Variants in RASA2 observed in about 807,000 individuals in gnomAD.
The protein encoded by RASA2 is RAS p21 protein activator 2.
Under a neutral mutation model 118.2 loss-of-function variants are expected in RASA2, and 155 were observed. That is an observed-to-expected ratio of 1.31 (90% CI 1.15 to 1.50). The LOEUF (loss-of-function observed/expected upper bound fraction) is 1.50. Ranked by LOEUF, RASA2 falls within the 40% of genes most tolerant of loss-of-function variation. RASA2 has a pLI of 0.00. For missense variants in RASA2, 1,016 were observed against 1,009.6 expected, an observed-to-expected ratio of 1.01 and a Z score of -0.09; for synonymous variants, 353 against 349.1, an observed-to-expected ratio of 1.01 and a Z score of -0.12.
At chr3:141,542,382 C>G (rs1002135455) in intron 5 of RASA2, among the ~76,000 whole-genome samples, 2 of 152,094 alleles carry the variant, frequency 1.3e-5, no homozygotes, top group African/African-American at 4.8e-5. Context: ...TTATTTGTTT[C>G]TTGCCATAAT....
At chr3:141,513,321 A>G (rs111559152) in intron 2 of RASA2, among the ~76,000 whole-genome samples, 3,369 of 151,930 alleles carry the variant, frequency 0.022, 132 homozygotes, top group African/African-American at 0.076. Context: ...TAGAAAAGGT[A>G]TTGTATAAAA....
intron 1 of RASA2, among the ~76,000 whole-genome samples, chr3:141,501,561 C>T (rs59719153): frequency 0.012 from 1,891 of 152,238 alleles, 43 homozygotes; most frequent in African/African-American, 0.043. Context: ...TAGTTAAATG[C>T]AAAGTTCATG....
intron 1 of RASA2, among the ~76,000 whole-genome samples, chr3:141,511,646 G>A (rs2081952026): frequency 6.6e-6 from 1 of 152,150 alleles, no homozygotes; most frequent in African/African-American, 2.4e-5. Context: ...GTGGCATGGT[G>A]GGGTCAGAAG....
chr3:141,491,615 G>T (rs1395691832), intron 1 of RASA2, among the ~76,000 whole-genome samples: 1 of 152,114 alleles, frequency 6.6e-6, no homozygotes, highest in Non-Finnish European at 1.5e-5. Context: ...ACTAGAAGGT[G>T]TTAGTATTAA....
intron 22 of RASA2, 110 bp downstream of exon 22, chr3:141,609,633 T>G: frequency 1.1e-6 from 1 of 927,878 alleles, no homozygotes; most frequent in African/African-American, 1.7e-5. Flanking sequence ...TACCAAAATG[T>G]TATTTATTGA....
At position 141,562,549 on chromosome 3, in the gene RASA2, G is replaced by A. The variant is rs544603624; in HGVS notation, c.863+2554G>A. Among the ~76,000 whole-genome samples, 3 of 74,308 alleles carry A rather than the reference G, an allele frequency of 4.0e-5. No individual in the cohort carries two copies. The East Asian group carries it at 1.4e-3, about 34-fold the overall frequency. The allele number at this position is 74,308 out of a possible 152,430, so 48.7% of individuals were successfully genotyped here. A position where few individuals can be genotyped will look rare whatever the true frequency, so the allele number is the denominator to read the frequency against. On this transcript the variant is annotated intron_variant, in intron 9 of 23. Transcript: ENST00000286364. ...GCGCAGGAGAAATTGCGTGCACCTG[G>A]GAGCGGGAGCTTACAGTAAGCTGAG...
intron 15 of RASA2, 84 bp downstream of exon 15, chr3:141,577,190 C>T: frequency 9.6e-7 from 1 of 1,045,286 alleles, no homozygotes; most frequent in East Asian, 2.9e-5. Context: ...ACCAATTTCA[C>T]TAGGCTGTAT....
At chr3:141,518,482 CAAAAAAAAAAAAAA>C (rs777543417) in intron 3 of RASA2, among the ~76,000 whole-genome samples, 31 of 27,048 alleles carry the variant, frequency 1.1e-3, no homozygotes, top group South Asian at 3.1e-3. Context: ...GACACCATCT[CAAAAAAAAAAAAAA>C]AAAAAAAAAA....
Position 141,608,587 on chromosome 3 carries a change from A to T in RASA2, c.2115A>T (p.Arg705=), listed in dbSNP as rs763111274. ...EWIDVLCRVS[R]CNQNRLSFYH... ...TAGACGTACTCTGCAGGGTGAGCCGATGCAATCAAAACAGGCTCAGTTTTT... is the reference window on the plus strand; with the variant it reads ...TAGACGTACTCTGCAGGGTGAGCCGTTGCAATCAAAACAGGCTCAGTTTTT... The change falls in exon 21 of 24, where the codon CGA becomes CGT. Residue 705 remains arginine (R), a synonymous_variant. Transcript: ENST00000286364. 1 of 1,613,854 alleles carries T rather than the reference A, an allele frequency of 6.2e-7. No individual in the cohort carries two copies. Among genetic ancestry groups the T allele is most frequent in the East Asian group, 2.2e-5 (1 of 44,894 alleles).
At chr3:141,495,995 T>C (rs184796335) in intron 1 of RASA2, among the ~76,000 whole-genome samples, 1 of 152,356 alleles carries the variant, frequency 6.6e-6, no homozygotes, top group East Asian at 1.9e-4. Flanking sequence ...AACATTTTAC[T>C]TTTCTGCATG....
At chr3:141,536,573 A>G (rs1299600217) in intron 4 of RASA2, among the ~76,000 whole-genome samples, 3 of 152,192 alleles carry the variant, frequency 2.0e-5, no homozygotes, top group East Asian at 3.8e-4. Flanking sequence ...AATACCTTCC[A>G]AGAATTTGGT....
At chr3:141,535,991 A>C (rs2082320506) in intron 4 of RASA2, among the ~76,000 whole-genome samples, 1 of 152,216 alleles carries the variant, frequency 6.6e-6, no homozygotes, top group African/African-American at 2.4e-5. Context: ...GGTACCAAGA[A>C]TATATGTAAT....
intron 5 of RASA2, among the ~76,000 whole-genome samples, chr3:141,548,631 A>G (rs534492813): frequency 6.6e-6 from 1 of 152,196 alleles, no homozygotes; most frequent in South Asian, 2.1e-4. Context: ...GGTTTCACAT[A>G]TGGCTTTCTT....
intron 3 of RASA2, among the ~76,000 whole-genome samples, chr3:141,518,265 T>A (rs952188024): frequency 2.6e-5 from 4 of 151,348 alleles, no homozygotes; most frequent in Non-Finnish European, 4.4e-5. Flanking sequence ...GGTGGGCAGA[T>A]CACGAGGTCA....
At chr3:141,542,739 T>C (rs557430904) in intron 5 of RASA2, among the ~76,000 whole-genome samples, 1 of 152,184 alleles carries the variant, frequency 6.6e-6, no homozygotes, top group Non-Finnish European at 1.5e-5. Flanking sequence ...GAAACTCTTC[T>C]GTCACCATAA....
intron 1 of RASA2, among the ~76,000 whole-genome samples, chr3:141,511,354 T>C (rs2081948012): frequency 6.6e-6 from 1 of 152,084 alleles, no homozygotes; most frequent in Non-Finnish European, 1.5e-5. Context: ...TAACACCATA[T>C]ACTGCAGAGT....
intron 15 of RASA2, among the ~76,000 whole-genome samples, chr3:141,577,601 A>G (rs1443548235): frequency 1.3e-5 from 2 of 152,206 alleles, no homozygotes; most frequent in South Asian, 2.1e-4. Flanking sequence ...CATCTAAGAT[A>G]GATTTCAGTA....
intron 9 of RASA2, among the ~76,000 whole-genome samples, chr3:141,569,310 T>A (rs959245116): frequency 6.6e-6 from 1 of 152,194 alleles, no homozygotes; most frequent in African/African-American, 2.4e-5. Context: ...CCTGGAACTC[T>A]TGTGATATCT....
chr3:141,523,770 C>T lies in RASA2; in HGVS notation c.356-5938C>T, dbSNP rs1424894511. ...CCCCTCACTCCACCTTGGTTCAGAA[C>T]CATATAGAAATGAAAGGATTTTACT... On this transcript the variant is annotated intron_variant, in intron 3 of 23. Coordinates refer to ENST00000286364, the MANE Select transcript of RASA2 (RefSeq NM_006506.5). Among the ~76,000 whole-genome samples, 7 of 152,250 alleles carry T rather than the reference C, an allele frequency of 4.6e-5. No individual in the cohort carries two copies. In the South Asian group the frequency reaches 8.3e-4, roughly 18 times the overall value.
Sources: allele counts gnomAD v4.1 joint callset (sites outside exome capture counted in the v4.1 genomes callset), GRCh38; gene constraint gnomAD v4.1.1; transcripts MANE v1.5; gene names NCBI Gene and HGNC (gene_info 2026-07-23, HGNC 2026-07-21).